SPECC1: variants seen among roughly 807,000 people sequenced by gnomAD.
The protein encoded by SPECC1 is sperm antigen with calponin homology and coiled-coil domains 1, also known as cytospin-B.
SPECC1 carries 62 observed loss-of-function variants against 104.1 expected under a neutral mutation model. That is an observed-to-expected ratio of 0.60 (90% CI 0.49 to 0.74). SPECC1 has a LOEUF of 0.74. Ranked by LOEUF, SPECC1 falls within the 30% of genes least tolerant of loss-of-function variation. The probability of loss-of-function intolerance (pLI) is 0.00; values close to 1 mark genes in which losing one functional copy is unlikely to be tolerated. For missense variants in SPECC1, 1,306 were observed against 1,310.5 expected, an observed-to-expected ratio of 1.00 and a Z score of 0.05; for synonymous variants, 513 against 501.6, an observed-to-expected ratio of 1.02 and a Z score of -0.30.
chr17:20,054,126 T>G (rs1361536462), intron 1 of SPECC1, among the ~76,000 whole-genome samples: 1 of 152,242 alleles, frequency 6.6e-6, no homozygotes, highest in East Asian at 1.9e-4. Flanking sequence ...ACAAGTTTCT[T>G]GCCTCCAGCT....
chr17:20,194,597 C>G (rs904063474), intron 3 of SPECC1, among the ~76,000 whole-genome samples: 1 of 147,296 alleles, frequency 6.8e-6, no homozygotes, highest in African/African-American at 2.5e-5. Context: ...ACCTCTGCCT[C>G]CCAGGTTCAA....
chr17:20,261,881 A>G (rs1259545617), intron 12 of SPECC1, among the ~76,000 whole-genome samples: 4 of 152,220 alleles, frequency 2.6e-5, no homozygotes, highest in Non-Finnish European at 5.9e-5. Flanking sequence ...ACTCCCATCC[A>G]GAAGAGGAGC....
intron 1 of SPECC1, among the ~76,000 whole-genome samples, chr17:20,023,015 CA>C (rs1035686663): frequency 1.3e-5 from 2 of 151,364 alleles, no homozygotes; most frequent in South Asian, 2.1e-4. Flanking sequence ...TCCTTTTTGC[CA>C]AAAAAAACCA....
intron 12 of SPECC1, among the ~76,000 whole-genome samples, chr17:20,293,983 A>G (rs1274791850): frequency 1.3e-5 from 2 of 151,928 alleles, no homozygotes; most frequent in African/African-American, 4.8e-5. Context: ...CTTAGAATTG[A>G]ATTTTTTTTG....
intron 1 of SPECC1, among the ~76,000 whole-genome samples, chr17:20,015,518 C>G (rs936632060): frequency 2.0e-5 from 3 of 150,664 alleles, no homozygotes; most frequent in Non-Finnish European, 4.4e-5. Context: ...GTTCCGTCAA[C>G]TCTTTAGCCC....
intron 3 of SPECC1, among the ~76,000 whole-genome samples, chr17:20,117,703 CAAAAA>C: frequency 1.7e-5 from 1 of 59,642 alleles, no homozygotes; most frequent in Non-Finnish European, 3.3e-5. Flanking sequence ...ATGATTGTCT[CAAAAA>C]AAAAAAAAAA....
At chr17:20,040,439 T>C (rs972521417) in intron 1 of SPECC1, among the ~76,000 whole-genome samples, 1 of 152,204 alleles carries the variant, frequency 6.6e-6, no homozygotes, top group African/African-American at 2.4e-5. Flanking sequence ...TTCTTGATGT[T>C]TCTGGATTCC....
intron 3 of SPECC1, among the ~76,000 whole-genome samples, chr17:20,141,865 T>C (rs2030845907): frequency 6.6e-6 from 1 of 152,236 alleles, no homozygotes; most frequent in African/African-American, 2.4e-5. Context: ...TTCAGTTACG[T>C]AACTTTGTGA....
rs201157818 is a variant in SPECC1 at position 20,096,785 on chromosome 17, C to T, written c.134C>T (p.Ser45Phe). The T allele has an allele frequency of 1.0e-4, 161 of 1,613,522 alleles. No individual in the cohort carries two copies. The highest frequency in any genetic ancestry group is 1.9e-5 in the Non-Finnish European group (23 of 1,179,748). The change falls in exon 2 of 15, where the codon TCC becomes TTC. Residue 45 changes from serine (S) to phenylalanine (F), a missense_variant. Ser to Phe is a radical substitution (Grantham distance 155). This residue lies in a region of SPECC1 where 1,177 missense variants were observed against 1,139.9 expected (regional missense o/e 1.03). Coordinates refer to ENST00000395527, the MANE Select transcript of SPECC1 (RefSeq NM_001243439.2). ...TCTTCAACTTCCTTGGCTTTTGAGT[C>T]CCGACTCAGCAGGGTATGGATCAAA... ...SKSSTSLAFE[S>F]RLSRLKRASS...
chr17:20,169,133 A>G (rs912763989), intron 3 of SPECC1, among the ~76,000 whole-genome samples: 2 of 152,192 alleles, frequency 1.3e-5, no homozygotes, highest in Non-Finnish European at 2.9e-5. Context: ...TCAGCCTCTC[A>G]AAGTACTGAG....
At chr17:20,021,883 T>C (rs1355850871) in intron 1 of SPECC1, among the ~76,000 whole-genome samples, 1 of 148,134 alleles carries the variant, frequency 6.8e-6, no homozygotes, top group Non-Finnish European at 1.5e-5. Flanking sequence ...TTCAACTTTC[T>C]AGACTTTAGC....
In SPECC1 at chr17:20,096,805, A is replaced by G. The variant is rs1421085941; in HGVS notation, c.147+7A>G. The G allele has an allele frequency of 1.2e-6, 2 of 1,610,680 alleles. No homozygotes were observed. ...TGAGTCCCGACTCAGCAGGGTATGG[A>G]TCAAAATGCACAGGGCCAGGCAGAG... On this transcript the variant is annotated splice_region_variant and intron_variant, in intron 2 of 14. Coordinates refer to ENST00000395527, the MANE Select transcript of SPECC1 (RefSeq NM_001243439.2).
intron 4 of SPECC1, among the ~76,000 whole-genome samples, chr17:20,221,582 G>A (rs1397650859): frequency 6.6e-6 from 1 of 151,706 alleles, no homozygotes; most frequent in East Asian, 1.9e-4. Context: ...TGTCAATTTT[G>A]TTTATCTTTT....
intron 3 of SPECC1, among the ~76,000 whole-genome samples, chr17:20,139,211 T>C (rs1354933846): frequency 3.3e-5 from 5 of 152,202 alleles, no homozygotes; most frequent in African/African-American, 1.2e-4. Flanking sequence ...GGAAGCTCTG[T>C]TCCAAGCCTT....
At chr17:20,247,393 T>C (rs1598080288) in intron 9 of SPECC1, 74 bp downstream of exon 9, 2 of 1,042,482 alleles carry the variant, frequency 1.9e-6, no homozygotes, top group Admixed American at 2.0e-5. Flanking sequence ...TTTACACATA[T>C]TAGTGTCCGT....
chr17:20,236,773 G>T, intron 7 of SPECC1: 1 of 1,538,298 alleles, frequency 6.5e-7, no homozygotes. Context: ...GACAGTGTAA[G>T]CTGGAAATTC....
intron 3 of SPECC1, among the ~76,000 whole-genome samples, chr17:20,143,450 G>A (rs1020954882): frequency 2.0e-5 from 3 of 151,888 alleles, no homozygotes. Flanking sequence ...TTGGCAGGCC[G>A]AGGCGGGCAG....
At chr17:20,076,187 A>G (rs1295808832) in intron 1 of SPECC1, among the ~76,000 whole-genome samples, 1 of 152,194 alleles carries the variant, frequency 6.6e-6, no homozygotes, top group Non-Finnish European at 1.5e-5. Context: ...ATTGTTACAT[A>G]GTTTCACAAT....
intron 14 of SPECC1, among the ~76,000 whole-genome samples, chr17:20,312,655 G>A (rs1235843997): frequency 1.3e-5 from 2 of 152,220 alleles, no homozygotes; most frequent in African/African-American, 2.4e-5. Context: ...CCAGGCCTCA[G>A]TCTGTGTGCA....
Sources: allele counts gnomAD v4.1 joint callset (sites outside exome capture counted in the v4.1 genomes callset), GRCh38; gene constraint gnomAD v4.1.1; regional missense constraint gnomAD v4.1.1; transcripts MANE v1.5; gene names NCBI Gene and HGNC (gene_info 2026-07-23, HGNC 2026-07-21).